RGS6: variants seen among roughly 807,000 people sequenced by gnomAD.
RGS6 encodes regulator of G protein signaling 6.
In RGS6, 30 loss-of-function variants were observed where a neutral mutation model predicts 78.5. The observed-to-expected ratio is 0.38, with a 90% CI of 0.29 to 0.52. RGS6 has a LOEUF of 0.52. RGS6 is among the 20% of genes least tolerant of loss of function. RGS6 has a pLI of 0.85. For missense variants in RGS6, 495 were observed against 609.7 expected (o/e 0.81, Z 1.98); for synonymous variants, 206 against 206.0 (o/e 1.00, Z 0.00).
chr14:71,884,076 C>G, the RGS6 span, among the ~76,000 whole-genome samples: 1 of 152,168 alleles, frequency 6.6e-6, no homozygotes, highest in Non-Finnish European at 1.5e-5. Context: ...GCCTCAAATT[C>G]TTTCTTGTGT....
At chr14:71,990,584 A>G in intron 2 of RGS6, 1 of 455,988 alleles carries the variant, frequency 2.2e-6, no homozygotes, top group South Asian at 1.5e-5. Context: ...TTTCACAAGC[A>G]TTCTGTCTTG....
intron 2 of RGS6, among the ~76,000 whole-genome samples, chr14:72,250,399 G>GGAAAAA (rs372722192): frequency 2.6e-5 from 3 of 114,288 alleles, no homozygotes; most frequent in Admixed American, 9.3e-5. Context: ...TAAATACACC[G>GGAAAAA]AAAAAAAAAA....
intron 2 of RGS6, among the ~76,000 whole-genome samples, chr14:72,349,157 C>G (rs560132104): frequency 1.3e-5 from 2 of 152,196 alleles, no homozygotes; most frequent in African/African-American, 2.4e-5. Context: ...AAGAGTGAGA[C>G]TCCGTCTCAA....
intron 3 of RGS6, among the ~76,000 whole-genome samples, chr14:72,420,739 G>A (rs2094130578): frequency 6.6e-6 from 1 of 152,072 alleles, no homozygotes; most frequent in Non-Finnish European, 1.5e-5. Flanking sequence ...TTTGCCTCTG[G>A]AAAATGCCGT....
At chr14:72,613,762 CAG>C in the RGS6 span, among the ~76,000 whole-genome samples, 1 of 152,208 alleles carries the variant, frequency 6.6e-6, no homozygotes, top group African/African-American at 2.4e-5. Context: ...CCCTCCTCCT[CAG>C]AGTTTCCTGA....
chr14:72,388,725 C>G (rs1243338449), intron 3 of RGS6, among the ~76,000 whole-genome samples: 3 of 152,222 alleles, frequency 2.0e-5, no homozygotes, highest in Non-Finnish European at 2.9e-5. Context: ...TGAAGCCGCA[C>G]TCTCTGGGTT....
chr14:72,169,033 G>A (rs547813987), intron 2 of RGS6, among the ~76,000 whole-genome samples: 34 of 152,212 alleles, frequency 2.2e-4, no homozygotes, highest in Admixed American at 1.4e-3. Context: ...CACCACCACC[G>A]CTTTTGAATC....
At chr14:72,548,932 A>G (rs769239214) in intron 17 of RGS6, among the ~76,000 whole-genome samples, 2 of 152,244 alleles carry the variant, frequency 1.3e-5, no homozygotes, top group Non-Finnish European at 2.9e-5. Context: ...TGAATGGCCA[A>G]GGATAGTGCA....
Position 72,211,301 on chromosome 14 carries a change from A to G in RGS6, c.85-140794A>G, listed in dbSNP as rs142926306. 7.4e-3 allele frequency among the ~76,000 whole-genome samples: 1,125 copies of G among 152,338 alleles called. 17 individuals are homozygous for G. The highest frequency in any genetic ancestry group is 0.026 in the African/African-American group (1,082 of 41,590). On this transcript the variant is annotated intron_variant, in intron 2 of 17. Transcript: ENST00000553525. ...GTCAGGTGCAGCTAAAATATTAAGT[A>G]TAAAGAGGACTGAAAAATATGTCTT...
intron 3 of RGS6, among the ~76,000 whole-genome samples, chr14:72,429,482 C>T (rs868374202): frequency 3.4e-4 from 52 of 152,058 alleles, no homozygotes; most frequent in Middle Eastern, 3.2e-3. Flanking sequence ...TTGGAGAAGC[C>T]TATGAAGGAG....
intron 2 of RGS6, among the ~76,000 whole-genome samples, chr14:71,996,283 A>G (rs544079833): frequency 4.6e-5 from 7 of 151,978 alleles, no homozygotes; most frequent in South Asian, 2.1e-4. Flanking sequence ...TATTTAGCTA[A>G]TATTTGTTGA....
At chr14:72,391,484 C>G (rs141002336) in intron 3 of RGS6, among the ~76,000 whole-genome samples, 1 of 152,178 alleles carries the variant, frequency 6.6e-6, no homozygotes, top group Non-Finnish European at 1.5e-5. Flanking sequence ...GTGACAGATC[C>G]GGATAGATCA....
intron 1 of RGS6, among the ~76,000 whole-genome samples, chr14:71,950,067 G>C (rs1182206961): frequency 6.6e-6 from 1 of 152,082 alleles, no homozygotes; most frequent in Admixed American, 6.5e-5. Flanking sequence ...AATTACGTGA[G>C]CTTTATAGGA....
chr14:72,111,776 A>G (rs1372434581), intron 2 of RGS6, among the ~76,000 whole-genome samples: 6 of 152,154 alleles, frequency 3.9e-5, no homozygotes, highest in African/African-American at 1.4e-4. Flanking sequence ...TCAAATGGCC[A>G]TTCAGTGCGC....
chr14:71,948,921 A>C (rs563038459), intron 1 of RGS6, among the ~76,000 whole-genome samples: 1 of 152,234 alleles, frequency 6.6e-6, no homozygotes, highest in East Asian at 1.9e-4. Context: ...ATATGAAATC[A>C]TACATATATG....
chr14:72,226,232 AC>A (rs1187815647), intron 2 of RGS6, among the ~76,000 whole-genome samples: 1 of 152,246 alleles, frequency 6.6e-6, no homozygotes, highest in Non-Finnish European at 1.5e-5. Context: ...TTTTAATTAG[AC>A]ATTTAGCAGT....
At position 71,934,613 on chromosome 14, in the gene RGS6, C is replaced by A. The variant is rs539661068; in HGVS notation, c.-21+1672C>A. Among the ~76,000 whole-genome samples the A allele has an allele frequency of 8.4e-4, 128 of 152,166 alleles. 1 individual carries two copies. Among genetic ancestry groups the A allele is most frequent in the African/African-American group, 3.0e-3 (124 of 41,506 alleles). On this transcript the variant is annotated intron_variant, in intron 1 of 17. Transcript: ENST00000553525. Reference sequence around the variant, plus strand: ...GCAGAAATGTTTATTTAAATGAGTCCATTTTAATTATTTATTTATTTTTGA... The same window carrying A: ...GCAGAAATGTTTATTTAAATGAGTCAATTTTAATTATTTATTTATTTTTGA...
the RGS6 span, among the ~76,000 whole-genome samples, chr14:71,884,683 T>C: frequency 5.6e-4 from 85 of 152,276 alleles, no homozygotes; most frequent in African/African-American, 1.9e-3. Flanking sequence ...ATGAGGTCTA[T>C]TCCTTTTTAG....
intron 2 of RGS6, among the ~76,000 whole-genome samples, chr14:72,227,794 G>A (rs1237562553): frequency 3.3e-5 from 5 of 152,258 alleles, no homozygotes; most frequent in Non-Finnish European, 5.9e-5. Context: ...TCTGTATAGA[G>A]GGACCTCTGG....
Sources: gnomAD v4.1 joint callset for allele counts (sites outside exome capture counted in the v4.1 genomes callset) on GRCh38, gnomAD v4.1.1 for gene constraint, MANE v1.5 for transcripts, NCBI Gene and HGNC (gene_info 2026-07-23, HGNC 2026-07-21) for gene names.